Variants in PTPRO observed in about 807,000 individuals in gnomAD.
The protein encoded by PTPRO is protein tyrosine phosphatase receptor type O, also known as receptor-type tyrosine-protein phosphatase O.
In PTPRO, 62 loss-of-function variants were observed where a neutral mutation model predicts 145.2. The observed-to-expected ratio is 0.43, with a 90% CI of 0.35 to 0.53. The LOEUF is 0.53. Ranked by LOEUF, PTPRO falls within the 20% of genes least tolerant of loss-of-function variation. The probability of loss-of-function intolerance (pLI) is 0.01; values close to 1 mark genes in which losing one functional copy is unlikely to be tolerated. For missense variants in PTPRO, 1,345 were observed against 1,482.7 expected, an observed-to-expected ratio of 0.91 and a Z score of 1.53; for synonymous variants, 565 against 514.7, an observed-to-expected ratio of 1.10 and a Z score of -1.32.
chr12:15,541,370 T>G (rs972811301), intron 12 of PTPRO, among the ~76,000 whole-genome samples: 2 of 152,210 alleles, frequency 1.3e-5, no homozygotes, highest in African/African-American at 4.8e-5. Flanking sequence ...TTATAGGGTT[T>G]TTTCATCCCT....
At chr12:15,438,900 C>T (rs1038172228) in intron 1 of PTPRO, among the ~76,000 whole-genome samples, 1 of 152,096 alleles carries the variant, frequency 6.6e-6, no homozygotes, top group East Asian at 1.9e-4. Flanking sequence ...GCCATGTAGA[C>T]TACAAACCAT....
At chr12:15,392,683 T>C (rs1351497735) in intron 1 of PTPRO, among the ~76,000 whole-genome samples, 1 of 131,728 alleles carries the variant, frequency 7.6e-6, no homozygotes, top group Non-Finnish European at 1.5e-5. Flanking sequence ...ATGGAGCCAC[T>C]GCACTCCAGC....
intron 12 of PTPRO, among the ~76,000 whole-genome samples, chr12:15,539,121 A>G (rs1190124833): frequency 2.0e-5 from 3 of 151,894 alleles, no homozygotes; most frequent in Admixed American, 6.6e-5. Flanking sequence ...AGGTATTCAG[A>G]TATTTGTTTT....
intron 19 of PTPRO, among the ~76,000 whole-genome samples, chr12:15,574,732 A>G (rs1565439668): frequency 6.6e-6 from 1 of 152,152 alleles, no homozygotes; most frequent in Admixed American, 6.5e-5. Flanking sequence ...GTCACTCACA[A>G]CTAAAATAAT....
chr12:15,434,476 G>A (rs1940541160), intron 1 of PTPRO, among the ~76,000 whole-genome samples: 1 of 152,120 alleles, frequency 6.6e-6, no homozygotes, highest in Non-Finnish European at 1.5e-5. Context: ...AGTATTTCCT[G>A]GAAAAGGGGA....
intron 9 of PTPRO, among the ~76,000 whole-genome samples, chr12:15,518,222 G>A (rs953334277): frequency 2.0e-5 from 3 of 151,990 alleles, no homozygotes; most frequent in Non-Finnish European, 4.4e-5. Flanking sequence ...AAGCCACCAA[G>A]CCTTGGGGCT....
chr12:15,504,178 G>T, intron 6 of PTPRO, 109 bp downstream of exon 6: 9 of 1,249,012 alleles, frequency 7.2e-6, no homozygotes, highest in South Asian at 6.6e-5. Flanking sequence ...GGGATGATGA[G>T]AAGTCTTCAA....
intron 1 of PTPRO, among the ~76,000 whole-genome samples, chr12:15,397,232 C>A (rs1438884865): frequency 6.6e-6 from 1 of 152,188 alleles, no homozygotes; most frequent in Non-Finnish European, 1.5e-5. Context: ...ATATTTCTAA[C>A]AACTGTGTTT....
At chr12:15,513,396 C>G (rs567230084) in intron 7 of PTPRO, among the ~76,000 whole-genome samples, 8 of 151,992 alleles carry the variant, frequency 5.3e-5, no homozygotes, top group African/African-American at 1.9e-4. Context: ...TGCAAGAAAC[C>G]CTGATATGAA....
intron 7 of PTPRO, among the ~76,000 whole-genome samples, chr12:15,511,872 G>T (rs759598598): frequency 4.6e-5 from 7 of 151,804 alleles, no homozygotes; most frequent in African/African-American, 1.7e-4. Flanking sequence ...CTATAATGGC[G>T]TATTTAAACA....
At chr12:15,518,072 CT>C (rs1236735475) in intron 9 of PTPRO, among the ~76,000 whole-genome samples, 4 of 152,252 alleles carry the variant, frequency 2.6e-5, no homozygotes, top group Non-Finnish European at 5.9e-5. Flanking sequence ...CTGCAGCAAA[CT>C]TTTGCCTGGG....
chr12:15,511,746 A>G (rs1322990044), intron 7 of PTPRO, among the ~76,000 whole-genome samples: 4 of 152,096 alleles, frequency 2.6e-5, no homozygotes, highest in African/African-American at 9.7e-5. Flanking sequence ...TTGTATTTTT[A>G]GTTGAGACGG....
At chr12:15,551,476 T>G (rs1436831651) in intron 14 of PTPRO, 75 bp from the exon 15 acceptor site, 3 of 1,569,128 alleles carry the variant, frequency 1.9e-6, no homozygotes, top group Non-Finnish European at 2.6e-6. Flanking sequence ...TAAGACTAGA[T>G]GAAAAGCAAT....
chr12:15,580,759 C>A lies in PTPRO; in HGVS notation c.3060C>A (p.Asp1020Glu). The A allele has an allele frequency of 6.2e-7, 1 of 1,613,944 alleles. No homozygotes were observed. Among genetic ancestry groups the A allele is most frequent in the South Asian group, 1.1e-5 (1 of 91,080 alleles). The change falls in exon 22 of 27, where the codon GAC becomes GAA. Residue 1020 changes from aspartate to glutamate, a missense_variant. Physicochemically the swap from Asp to Glu is conservative, Grantham distance 45. Coordinates refer to ENST00000281171, the MANE Select transcript of PTPRO (RefSeq NM_030667.3). ...GGCCACTGCCTGAAACCAGAAATGA[C>A]TTCTGGAAGATGGTCCTGCAACAAA... ...TQGPLPETRN[D>E]FWKMVLQQKS...
chr12:15,529,789 A>T (rs1942922424), intron 12 of PTPRO, among the ~76,000 whole-genome samples: 1 of 152,248 alleles, frequency 6.6e-6, no homozygotes, highest in South Asian at 2.1e-4. Context: ...CTTAATAATC[A>T]CTTAACCACA....
At chr12:15,554,414 G>GTATA (rs573367538) in intron 15 of PTPRO, among the ~76,000 whole-genome samples, 5 of 149,300 alleles carry the variant, frequency 3.3e-5, no homozygotes, top group African/African-American at 1.2e-4. Flanking sequence ...GTGTGTGTGT[G>GTATA]TATATATATA....
At position 15,597,026 on chromosome 12, in the gene PTPRO, G is replaced by A. The variant is rs767413910; in HGVS notation, c.*953G>A. ...AAACGCACTTTCTTTCCCCCAAAGA[G>A]CTGGGAATTTATGAAGTTATGGCAA... is the stretch of plus-strand genomic sequence containing the variant. On this transcript the variant is annotated 3_prime_UTR_variant, in exon 27 of 27. Coordinates refer to ENST00000281171, the MANE Select transcript of PTPRO (RefSeq NM_030667.3). The A allele has an allele frequency of 6.6e-6, 1 of 152,630 alleles. No individual in the cohort carries two copies. Among genetic ancestry groups the A allele is most frequent in the South Asian group, 2.1e-4 (1 of 4,830 alleles). The allele number at this position is 152,630 out of a possible 1,614,324, so 9.5% of individuals were successfully genotyped here. A position where few individuals can be genotyped will look rare whatever the true frequency, so the allele number is the denominator to read the frequency against.
chr12:15,334,631 T>C (rs1866704166), intron 1 of PTPRO, among the ~76,000 whole-genome samples: 1 of 152,168 alleles, frequency 6.6e-6, no homozygotes, highest in Non-Finnish European at 1.5e-5. Context: ...TTGGGTTAGC[T>C]GTAATTTTTA....
intron 12 of PTPRO, among the ~76,000 whole-genome samples, chr12:15,540,656 T>A (rs1943162819): frequency 6.6e-6 from 1 of 152,210 alleles, no homozygotes; most frequent in African/African-American, 2.4e-5. Flanking sequence ...AGGCTAAATA[T>A]TACATCTGAC....
Sources: gnomAD v4.1 joint callset for allele counts (sites outside exome capture counted in the v4.1 genomes callset) on GRCh38, gnomAD v4.1.1 for gene constraint, MANE v1.5 for transcripts, NCBI Gene and HGNC (gene_info 2026-07-23, HGNC 2026-07-21) for gene names.